The following STK24 variants were observed in gnomAD, a reference collection of about 807,000 sequenced individuals.
STK24 encodes serine/threonine-protein kinase 24.
STK24 carries 21 observed loss-of-function variants against 55.6 expected under a neutral mutation model. The observed-to-expected ratio is 0.38, with a 90% confidence interval of 0.27 to 0.54. STK24 has a LOEUF of 0.54. Among genes scored for constraint, STK24 ranks in the 20% least tolerant of loss-of-function variants. STK24 has a pLI of 0.79. For missense variants in STK24, 383 were observed against 538.4 expected (o/e 0.71, Z 2.86); for synonymous variants, 200 against 215.2 (o/e 0.93, Z 0.62).
intron 2 of STK24, among the ~76,000 whole-genome samples, chr13:98,485,295 G>A (rs1427945019): frequency 2.0e-5 from 3 of 152,212 alleles, no homozygotes; most frequent in South Asian, 4.1e-4. Flanking sequence ...AGCTGGTGGG[G>A]TAGGGGAAGC....
At chr13:98,529,916 G>A (rs1473978678) in intron 1 of STK24, among the ~76,000 whole-genome samples, 1 of 152,152 alleles carries the variant, frequency 6.6e-6, no homozygotes, top group African/African-American at 2.4e-5. Context: ...GCCTTATAAA[G>A]GTAACCATTA....
At position 98,474,029 on chromosome 13, in the gene STK24, C is replaced by T. The variant is rs538420584; in HGVS notation, c.597+792G>A. Among the ~76,000 whole-genome samples, 9 of 152,274 alleles carry T rather than the reference C, an allele frequency of 5.9e-5. No homozygotes were observed. The East Asian group carries it at 9.6e-4, about 16-fold the overall frequency. On this transcript the variant is annotated intron_variant, in intron 5 of 10. Coordinates refer to ENST00000539966, the MANE Select transcript of STK24 (RefSeq NM_001032296.4). ...TTGGAGCCCAGGAAAGCCAATTCTC[C>T]GTGGATCATGTGGCCTTTTAACTGT...
chr13:98,475,136 G>T (rs1314353209), intron 4 of STK24, 114 bp downstream of exon 4: 1 of 1,399,920 alleles, frequency 7.1e-7, no homozygotes, highest in African/African-American at 1.4e-5. Flanking sequence ...CCCAGCCCAG[G>T]CAAGGCAAAC....
At chr13:98,470,985 A>G (rs1894122270) in intron 5 of STK24, among the ~76,000 whole-genome samples, 1 of 152,256 alleles carries the variant, frequency 6.6e-6, no homozygotes, top group South Asian at 2.1e-4. Flanking sequence ...CTAGAGGCGT[A>G]TGTGATGTTT....
intron 1 of STK24, among the ~76,000 whole-genome samples, chr13:98,549,638 G>C (rs1055208824): frequency 5.3e-5 from 8 of 152,026 alleles, no homozygotes; most frequent in Admixed American, 1.3e-4. Context: ...CTTCACCTTC[G>C]GCCATGAGTC....
At chr13:98,570,385 T>C (rs994400044) in intron 1 of STK24, among the ~76,000 whole-genome samples, 1 of 152,182 alleles carries the variant, frequency 6.6e-6, no homozygotes. Flanking sequence ...AAACAAAGGA[T>C]GTGGACCTGT....
intron 9 of STK24, among the ~76,000 whole-genome samples, chr13:98,459,965 T>A (rs766473962): frequency 2.0e-5 from 3 of 152,156 alleles, no homozygotes; most frequent in Non-Finnish European, 4.4e-5. Flanking sequence ...GGGACTTCAG[T>A]GAAACATGTG....
intron 1 of STK24, among the ~76,000 whole-genome samples, chr13:98,543,189 T>C (rs947141321): frequency 1.3e-5 from 2 of 152,096 alleles, no homozygotes; most frequent in East Asian, 1.9e-4. Flanking sequence ...GTTGTTTTTT[T>C]CCCCAAAAAA....
chr13:98,509,795 G>A (rs1360871255), intron 2 of STK24, among the ~76,000 whole-genome samples: 2 of 151,916 alleles, frequency 1.3e-5, no homozygotes, highest in South Asian at 2.1e-4. Context: ...AGAGCCCCAC[G>A]CCCTGTTCCC....
At chr13:98,512,526 C>G (rs1049376428) in intron 2 of STK24, among the ~76,000 whole-genome samples, 2 of 150,120 alleles carry the variant, frequency 1.3e-5, no homozygotes, top group African/African-American at 2.4e-5. Context: ...TCATGTCTAC[C>G]GAGAAACAAA....
At chr13:98,535,453 A>C (rs56707834) in intron 1 of STK24, among the ~76,000 whole-genome samples, 5,307 of 148,908 alleles carry the variant, frequency 0.036, 279 homozygotes, top group African/African-American at 0.12. Flanking sequence ...CATTCCAAAT[A>C]AAGTATATAG....
intron 1 of STK24, among the ~76,000 whole-genome samples, chr13:98,555,637 G>T (rs1293090379): frequency 6.6e-6 from 1 of 150,444 alleles, no homozygotes; most frequent in Admixed American, 6.6e-5. Context: ...CTCCTGATTG[G>T]TTTTAACCAA....
chr13:98,544,413 AGGCAACTGGGCCCTGACCCTGC>A, intron 1 of STK24, among the ~76,000 whole-genome samples: 1 of 152,346 alleles, frequency 6.6e-6, no homozygotes, highest in Non-Finnish European at 1.5e-5. Flanking sequence ...TGTGGGCCCC[AGGCAACTGGGCCCTGACCCTGC>A]ATCTGGGAAG....
intron 1 of STK24, among the ~76,000 whole-genome samples, chr13:98,532,019 A>G (rs1647683825): frequency 6.6e-6 from 1 of 152,162 alleles, no homozygotes; most frequent in African/African-American, 2.4e-5. Flanking sequence ...TCCCAGCTTC[A>G]GCCTGGACCG....
chr13:98,492,503 C>T (rs1480353211), intron 2 of STK24, among the ~76,000 whole-genome samples: 4 of 152,186 alleles, frequency 2.6e-5, no homozygotes, highest in African/African-American at 9.7e-5. Flanking sequence ...ACCACCGGCC[C>T]ACCCCTAGCA....
intron 10 of STK24, chr13:98,455,043 G>T (rs1328755715): frequency 6.6e-6 from 1 of 152,182 alleles, no homozygotes; most frequent in African/African-American, 2.4e-5. Flanking sequence ...AATGTGCTGC[G>T]TCTGAATGGA....
intron 5 of STK24, among the ~76,000 whole-genome samples, chr13:98,467,504 A>C (rs974206887): frequency 6.6e-6 from 1 of 152,142 alleles, no homozygotes; most frequent in Non-Finnish European, 1.5e-5. Flanking sequence ...CTTTCAACCT[A>C]CAACAGTCCT....
chr13:98,545,451 G>A (rs57977201), intron 1 of STK24, among the ~76,000 whole-genome samples: 2,095 of 152,128 alleles, frequency 0.014, 59 homozygotes, highest in African/African-American at 0.047. Context: ...TCCAGATCAC[G>A]GTGAAACCCC....
chr13:98,576,640 C>A, intron 1 of STK24, 105 bp downstream of exon 1: 2 of 1,010,010 alleles, frequency 2.0e-6, no homozygotes, highest in Non-Finnish European at 2.7e-6. Flanking sequence ...CAGGCTCCGG[C>A]GCGACCCCGG....
Sources: allele counts gnomAD v4.1 joint callset (sites outside exome capture counted in the v4.1 genomes callset), GRCh38; gene constraint gnomAD v4.1.1; transcripts MANE v1.5; gene names NCBI Gene and HGNC (gene_info 2026-07-23, HGNC 2026-07-21).